EXD2: variants seen among roughly 807,000 people sequenced by gnomAD.
EXD2 encodes the protein exonuclease 3'-5' domain containing 2.
Under a neutral mutation model 62.5 loss-of-function variants are expected in EXD2, and 40 were observed. The observed-to-expected ratio is 0.64, with a 90% CI of 0.50 to 0.83. EXD2 has a LOEUF of 0.83. Ranked by LOEUF, EXD2 falls within the 40% of genes least tolerant of loss-of-function variation. The probability of loss-of-function intolerance (pLI) is 0.00; values close to 1 mark genes in which losing one functional copy is unlikely to be tolerated. For missense variants in EXD2, 671 were observed against 761.8 expected (o/e 0.88, Z 1.40); for synonymous variants, 239 against 291.9 (o/e 0.82, Z 1.85).
chr14:69,227,112 A>G (rs1275832786), intron 3 of EXD2, among the ~76,000 whole-genome samples: 4 of 152,138 alleles, frequency 2.6e-5, no homozygotes, highest in Non-Finnish European at 5.9e-5. Context: ...CCTCCCCGCT[A>G]TTGACATTTT....
rs529480375 is a variant in EXD2, at chr14:69,243,468, C to T, written c.*2368C>T. The T allele has an allele frequency of 6.6e-6, 1 of 152,232 alleles. No individual in the cohort carries two copies. The highest frequency in any genetic ancestry group is 6.5e-5 in the Admixed American group (1 of 15,282). 9.4% of individuals were successfully genotyped at this position (152,232 alleles called of 1,614,324 possible). A position where few individuals can be genotyped will look rare whatever the true frequency, so the allele number is the denominator to read the frequency against. On this transcript the variant is annotated 3_prime_UTR_variant, in exon 10 of 10. Coordinates refer to ENST00000685843, the MANE Select transcript of EXD2 (RefSeq NM_001193360.2). The stretch of plus-strand genomic sequence containing the variant: ...CAGGTTGGTATCCTAACTTTACCCT[C>T]TCACTGATTAACATGGTATCACGAG...
rs774444788 is a variant in EXD2, at chr14:69,236,409, C to T, written c.1159C>T (p.Leu387=). Residue 387 remains leucine (L), a splice_region_variant and synonymous_variant, in exon 8 of 10, where the codon CTG becomes TTG. Coordinates refer to ENST00000685843, the MANE Select transcript of EXD2 (RefSeq NM_001193360.2). ...QWYLDKGIGE[L]VSEEPFVVKL... Reference sequence around the variant, plus strand: ...ACACTGATGTCTCTTCTCTTAAGAGCTGGTGAGTGAAGAGCCCTTTGTGGT... The same window carrying T: ...ACACTGATGTCTCTTCTCTTAAGAGTTGGTGAGTGAAGAGCCCTTTGTGGT... The T allele has an allele frequency of 1.9e-6, 3 of 1,614,072 alleles. No homozygotes were observed. The highest frequency in any genetic ancestry group is 2.5e-6 in the Non-Finnish European group (3 of 1,180,010).
intron 1 of EXD2, among the ~76,000 whole-genome samples, chr14:69,199,797 T>C (rs2042328037): frequency 6.6e-6 from 1 of 152,222 alleles, no homozygotes; most frequent in Admixed American, 6.5e-5. Context: ...CCTTCTGGAA[T>C]AACTTCGGAA....
At chr14:69,222,914 CAT>C (rs1258557014) in intron 3 of EXD2, among the ~76,000 whole-genome samples, 1 of 152,090 alleles carries the variant, frequency 6.6e-6, no homozygotes, top group East Asian at 1.9e-4. Context: ...GTTGAAAAGA[CAT>C]ATGGTGAATT....
At chr14:69,212,780 T>C (rs2042855454) in intron 3 of EXD2, among the ~76,000 whole-genome samples, 1 of 145,286 alleles carries the variant, frequency 6.9e-6, no homozygotes, top group South Asian at 2.2e-4. Context: ...GGATTTTGGC[T>C]CACTTTAGCC....
chr14:69,237,547 C>T lies in EXD2; in HGVS notation c.1293-28C>T, dbSNP rs749744696. ...ATGTGCTCTGTCATACACTTATGAG[C>T]GCTGCTTTCCGGCTGGGCTTGTTCC... is the stretch of plus-strand genomic sequence containing the variant. On this transcript the variant is annotated intron_variant, in intron 8 of 9. Coordinates refer to ENST00000685843, the MANE Select transcript of EXD2 (RefSeq NM_001193360.2). 6.2e-5 allele frequency: 100 copies of T among 1,603,246 alleles called. 1 individual carries two copies. The South Asian group carries it at 7.8e-4, about 13-fold the overall frequency.
At chr14:69,220,040 A>C (rs971699119) in intron 3 of EXD2, among the ~76,000 whole-genome samples, 3 of 152,002 alleles carry the variant, frequency 2.0e-5, no homozygotes, top group East Asian at 3.9e-4. Flanking sequence ...TAAATCATGA[A>C]TGGTTGGTGA....
intron 2 of EXD2, among the ~76,000 whole-genome samples, chr14:69,206,762 A>G (rs768247807): frequency 6.6e-6 from 1 of 152,074 alleles, no homozygotes; most frequent in Non-Finnish European, 1.5e-5. Flanking sequence ...GATTACAGGC[A>G]TGAGCCACTG....
intron 1 of EXD2, among the ~76,000 whole-genome samples, chr14:69,194,458 C>T (rs1002314504): frequency 2.0e-5 from 3 of 152,034 alleles, no homozygotes; most frequent in Non-Finnish European, 4.4e-5. Context: ...ATTCTTGAAC[C>T]ATTAATCCGA....
chr14:69,229,543 G>T (rs1014766655), intron 4 of EXD2, among the ~76,000 whole-genome samples: 13 of 152,142 alleles, frequency 8.5e-5, no homozygotes, highest in African/African-American at 3.1e-4. Flanking sequence ...TGTTCAGTTT[G>T]CCAGAGTCCC....
rs56333403 is a variant in EXD2 at position 69,206,455 on chromosome 14, CTTTTTTTTTTTTTTT to C, written c.-48+2472_-48+2486del. 6.1e-3 allele frequency among the ~76,000 whole-genome samples: 575 copies of C among 94,650 alleles called. 11 individuals are homozygous for C. Among genetic ancestry groups the C allele is most frequent in the African/African-American group, 0.024 (540 of 22,188 alleles). The allele number at this position is 94,650 out of a possible 152,430, so 62.1% of individuals were successfully genotyped here. A position where few individuals can be genotyped will look rare whatever the true frequency, so the allele number is the denominator to read the frequency against. ...CCCAGCTTCATCTCCCACCCACCCA[CTTTTTTTTTTTTTTT>C]TTTTTTTTTTTTTTTTGAGATAGGG... On this transcript the variant is annotated intron_variant, in intron 2 of 9. Transcript: ENST00000685843.
intron 3 of EXD2, among the ~76,000 whole-genome samples, chr14:69,218,459 T>G (rs576862604): frequency 1.2e-4 from 18 of 152,312 alleles, no homozygotes; most frequent in African/African-American, 4.3e-4. Context: ...TTGCAAAAAT[T>G]TTCTCCCATT....
At chr14:69,197,603 C>T (rs529577294) in intron 1 of EXD2, among the ~76,000 whole-genome samples, 2 of 152,130 alleles carry the variant, frequency 1.3e-5, no homozygotes, top group African/African-American at 4.8e-5. Flanking sequence ...CTCTGGTAGT[C>T]CCCAGTGTCT....
rs2042734957 is a variant in EXD2 at position 69,209,573 on chromosome 14, A to G, written c.103A>G (p.Lys35Glu). The change falls in exon 3 of 10, where the codon AAA (lysine) becomes GAA (glutamate). Residue 35 changes from lysine (K) to glutamate (E), a missense_variant. By Grantham distance (56) the Lys-to-Glu change is moderately conservative. Transcript: ENST00000685843. ...WKGIQRRRRS[K>E]TSPVTQQPQQ... ...AGGCATCCAGCGCCGCCGAAGGAGT[A>G]AAACGAGTCCTGTGACCCAACAGCC... The G allele has an allele frequency of 6.4e-7, 1 of 1,550,578 alleles. No homozygotes were observed. The highest frequency in any genetic ancestry group is 2.4e-5 in the East Asian group (1 of 40,920).
intron 9 of EXD2, among the ~76,000 whole-genome samples, chr14:69,239,953 T>G (rs1257307845): frequency 6.6e-6 from 1 of 152,238 alleles, no homozygotes; most frequent in Non-Finnish European, 1.5e-5. Context: ...CACAGACTTT[T>G]CTAACAAATT....
chr14:69,193,338 C>T (rs1451759450), intron 1 of EXD2, among the ~76,000 whole-genome samples: 1 of 152,170 alleles, frequency 6.6e-6, no homozygotes, highest in Non-Finnish European at 1.5e-5. Flanking sequence ...GGATTACAGG[C>T]GTGAGCCACC....
chr14:69,228,922 C>T lies in EXD2; in HGVS notation c.440C>T (p.Thr147Ile), dbSNP rs2043467625. 2 of 1,614,080 alleles carry T rather than the reference C, an allele frequency of 1.2e-6. No homozygotes were observed. Among genetic ancestry groups the T allele is most frequent in the African/African-American group, 2.7e-5 (2 of 74,936 alleles). Reference protein sequence around the residue: ...RLPKLICGGKTLPRTLLDILA... With the variant: ...RLPKLICGGKILPRTLLDILA... ...CCCAAGCTAATCTGTGGAGGAAAAA[C>T]ACTACCAAGAACGTTATTGGATATT... The change falls in exon 4 of 10, where the codon ACA (threonine) becomes ATA (isoleucine). Residue 147 changes from threonine (T) to isoleucine (I), a missense_variant. Thr to Ile is a moderately conservative substitution (Grantham distance 89). Coordinates refer to ENST00000685843, the MANE Select transcript of EXD2 (RefSeq NM_001193360.2).
intron 2 of EXD2, among the ~76,000 whole-genome samples, chr14:69,206,270 C>A (rs1207231503): frequency 6.6e-6 from 1 of 151,832 alleles, no homozygotes; most frequent in Non-Finnish European, 1.5e-5. Flanking sequence ...TGGCCTGGGG[C>A]AGGTGGCTTG....
At position 69,201,674 on chromosome 14, in the gene EXD2, T is replaced by G. The variant is rs966608753; in HGVS notation, c.-131-2243T>G. On this transcript the variant is annotated intron_variant, in intron 1 of 9. Coordinates refer to ENST00000685843, the MANE Select transcript of EXD2 (RefSeq NM_001193360.2). The stretch of plus-strand genomic sequence containing the variant: ...CTCTCTCAGCAAGTGTTTTCTCTGT[T>G]TTTTTTTTTTTTTTTTTTTTTTTTT... Among the ~76,000 whole-genome samples, 60 of 22,808 alleles carry G rather than the reference T, an allele frequency of 2.6e-3. 1 individual carries two copies. The highest frequency in any genetic ancestry group is 3.1e-3 in the Non-Finnish European group (34 of 10,896). The allele number at this position is 22,808 out of a possible 152,430, so 15.0% of individuals were successfully genotyped here.
Sources: allele counts gnomAD v4.1 joint callset (sites outside exome capture counted in the v4.1 genomes callset), GRCh38; gene constraint gnomAD v4.1.1; transcripts MANE v1.5; gene names NCBI Gene and HGNC (gene_info 2026-07-23, HGNC 2026-07-21).